Variants in MED6 observed in about 807,000 individuals in gnomAD.
MED6 encodes mediator complex subunit 6, also known as mediator of RNA polymerase II transcription subunit 6.
A neutral mutation model predicts 37.5 loss-of-function variants in MED6; 33 were observed. The observed-to-expected ratio is 0.88, with a 90% CI of 0.67 to 1.18. The LOEUF (loss-of-function observed/expected upper bound fraction) is 1.18, where lower values mean the gene tolerates loss of function less well. Among genes scored for constraint, MED6 ranks in the 50% most tolerant of loss-of-function variants. MED6 has a pLI of 0.00. For missense variants in MED6, 235 were observed against 290.6 expected, an observed-to-expected ratio of 0.81 and a Z score of 1.39; for synonymous variants, 94 against 93.6, an observed-to-expected ratio of 1.00 and a Z score of -0.02.
rs927433312 is a variant in MED6, at chr14:70,584,094, T to C, written c.*719A>G. The C allele has an allele frequency of 3.0e-6, 2 of 672,548 alleles. No individual in the cohort carries two copies. Among genetic ancestry groups the C allele is most frequent in the Non-Finnish European group, 5.3e-6 (2 of 375,266 alleles). The allele number at this position is 672,548 out of a possible 1,614,324, so 41.7% of individuals were successfully genotyped here. A position where few individuals can be genotyped will look rare whatever the true frequency, so the allele number is the denominator to read the frequency against. On this transcript the variant is annotated 3_prime_UTR_variant, in exon 8 of 8. Transcript: ENST00000256379. ...TTCCTTTTCTTCATCTTCCAAAATG[T>C]CAGCAACTGTTTATTTTAATACTGA...
chr14:70,590,789 G>A (rs1409972062), intron 6 of MED6, among the ~76,000 whole-genome samples: 1 of 152,118 alleles, frequency 6.6e-6, no homozygotes, highest in African/African-American at 2.4e-5. Flanking sequence ...CCCCAACACA[G>A]GGTATCTCTA....
chr14:70,591,656 G>T, intron 5 of MED6: 1 of 239,214 alleles, frequency 4.2e-6, no homozygotes, highest in Non-Finnish European at 8.0e-6. Flanking sequence ...AACCGTAAGA[G>T]TTTTAAAGCT....
intron 6 of MED6, 63 bp downstream of exon 6, chr14:70,591,203 A>G (rs1451903476): frequency 1.6e-6 from 2 of 1,255,816 alleles, no homozygotes; most frequent in Non-Finnish European, 2.3e-6. Flanking sequence ...TTCTCAATTA[A>G]AAATTAATAT....
chr14:70,591,994 G>A lies in MED6; in HGVS notation c.467-613C>T, dbSNP rs75285441. On this transcript the variant is annotated intron_variant, in intron 5 of 7. Coordinates refer to ENST00000256379, the MANE Select transcript of MED6 (RefSeq NM_005466.4). ...AAGGATTCCAGATAAGTGTTACTCCGAACACTTGGTTATCGTAGGGGAAAA... is the reference window on the plus strand; with the variant it reads ...AAGGATTCCAGATAAGTGTTACTCCAAACACTTGGTTATCGTAGGGGAAAA... Among the ~76,000 whole-genome samples the A allele has an allele frequency of 5.6e-3, 857 of 152,278 alleles. 14 individuals carry two copies. Among genetic ancestry groups the A allele is most frequent in the African/African-American group, 0.019 (783 of 41,534 alleles).
At chr14:70,597,553 T>G (rs1885080027) in intron 2 of MED6, 65 bp downstream of exon 2, 2 of 1,337,532 alleles carry the variant, frequency 1.5e-6, no homozygotes, top group Admixed American at 2.9e-5. Context: ...GATCCACAGT[T>G]TGAAAGAACT....
chr14:70,589,321 G>C (rs944619251), intron 6 of MED6, among the ~76,000 whole-genome samples: 1 of 151,988 alleles, frequency 6.6e-6, no homozygotes, highest in African/African-American at 2.4e-5. Flanking sequence ...CAATTTAAGT[G>C]CCCTGACTCC....
chr14:70,600,614 A>G lies in MED6; in HGVS notation c.22+2T>C, dbSNP rs1205850473. On this transcript the variant is annotated splice_donor_variant, in intron 1 of 7. Coordinates refer to ENST00000256379, the MANE Select transcript of MED6 (RefSeq NM_005466.4). LOFTEE classifies it high-confidence loss of function. ...GAGACAAAATATAGCAATACAGTAT[A>G]CCTCGGATATCCACCGCCGCCATAA... 6.2e-7 allele frequency: 1 copy of G among 1,612,296 alleles called. No individual in the cohort carries two copies. Among genetic ancestry groups the G allele is most frequent in the Non-Finnish European group, 8.5e-7 (1 of 1,179,462 alleles).
chr14:70,584,293 T>C lies in MED6; in HGVS notation c.*520A>G, dbSNP rs996145122. The C allele has an allele frequency of 1.4e-5, 8 of 585,152 alleles. No homozygotes were observed. Among genetic ancestry groups the C allele is most frequent in the Non-Finnish European group, 2.4e-5 (8 of 328,286 alleles). 36.2% of individuals were successfully genotyped at this position (585,152 alleles called of 1,614,324 possible). A position where few individuals can be genotyped will look rare whatever the true frequency, so the allele number is the denominator to read the frequency against. On this transcript the variant is annotated 3_prime_UTR_variant, in exon 8 of 8. Coordinates refer to ENST00000256379, the MANE Select transcript of MED6 (RefSeq NM_005466.4). The stretch of plus-strand genomic sequence containing the variant: ...ACATATCTACCAGTAAACATGTGAG[T>C]GTGTAGGTTGCTCAAGTCCGGGAGA...
At chr14:70,590,303 C>T (rs181298555) in intron 6 of MED6, among the ~76,000 whole-genome samples, 14 of 152,350 alleles carry the variant, frequency 9.2e-5, no homozygotes, top group African/African-American at 2.9e-4. Flanking sequence ...CACCCTACTA[C>T]AGCTATAATT....
intron 3 of MED6, chr14:70,595,032 T>C: frequency 7.1e-6 from 4 of 566,284 alleles, no homozygotes; most frequent in South Asian, 5.6e-5. Flanking sequence ...ACAATGCCCA[T>C]CTTGCTGCTG....
intron 1 of MED6, 79 bp downstream of exon 1, chr14:70,600,536 TA>T: frequency 6.5e-7 from 1 of 1,539,054 alleles, no homozygotes; most frequent in Non-Finnish European, 8.9e-7. Context: ...CAAAGGAACC[TA>T]AACCTTGAAA....
At chr14:70,585,658 A>G in intron 7 of MED6, 98 bp downstream of exon 7, 1 of 1,085,498 alleles carries the variant, frequency 9.2e-7, no homozygotes, top group South Asian at 2.2e-5. Context: ...CTAGAAGGAC[A>G]AAATGACCAC....
intron 5 of MED6, among the ~76,000 whole-genome samples, chr14:70,592,196 T>C (rs1884892386): frequency 6.6e-6 from 1 of 152,222 alleles, no homozygotes; most frequent in African/African-American, 2.4e-5. Context: ...AGTATGCTGT[T>C]ACAGGCACAT....
chr14:70,592,616 C>T, intron 5 of MED6: 1 of 271,720 alleles, frequency 3.7e-6, no homozygotes, highest in Admixed American at 4.5e-5. Context: ...GAGTGAGCCA[C>T]CACACCTGGC....
chr14:70,592,929 A>G lies in MED6; in HGVS notation c.417T>C (p.Tyr139=), dbSNP rs367857565. The change falls in exon 5 of 8, where the codon TAT becomes TAC. Residue 139 remains tyrosine, a synonymous_variant. Coordinates refer to ENST00000256379, the MANE Select transcript of MED6 (RefSeq NM_005466.4). The part of the protein sequence containing the change: ...AFDEAMSYCR[Y]HPSKGYWWHF... ...GCCACCAATACCCTTTGGAAGGATG[A>G]TATCGACAGTATGACATAGCTTCAT... 15 of 1,613,868 alleles carry G rather than the reference A, an allele frequency of 9.3e-6. No individual in the cohort carries two copies. Among genetic ancestry groups the G allele is most frequent in the African/African-American group, 8.0e-5 (6 of 74,938 alleles).
chr14:70,593,412 G>T, intron 3 of MED6, 34 bp from the exon 4 acceptor site: 2 of 1,449,324 alleles, frequency 1.4e-6, no homozygotes, highest in South Asian at 1.2e-5. Flanking sequence ...TATAAATACA[G>T]CTATGGACAC....
intron 1 of MED6, among the ~76,000 whole-genome samples, chr14:70,598,641 T>C (rs1055608312): frequency 2.2e-4 from 33 of 152,106 alleles, no homozygotes; most frequent in Non-Finnish European, 3.7e-4. Context: ...AGAGAATGTA[T>C]ATACAGAGGT....
intron 6 of MED6, 21 bp from the exon 7 acceptor site, chr14:70,585,804 G>A: frequency 6.2e-7 from 1 of 1,602,278 alleles, no homozygotes; most frequent in African/African-American, 1.3e-5. Context: ...TTAGAAAAAA[G>A]GGAGGGAGAG....
At chr14:70,593,501 T>C in intron 3 of MED6, 123 bp from the exon 4 acceptor site, 1 of 700,032 alleles carries the variant, frequency 1.4e-6, no homozygotes, top group Non-Finnish European at 2.4e-6. Context: ...ATTACTGTTT[T>C]GGTAAAGCTG....
Sources: gnomAD v4.1 joint callset for allele counts (sites outside exome capture counted in the v4.1 genomes callset) on GRCh38, gnomAD v4.1.1 for gene constraint, MANE v1.5 for transcripts, NCBI Gene and HGNC (gene_info 2026-07-23, HGNC 2026-07-21) for gene names.